LAMA3: variants seen among roughly 807,000 people sequenced by gnomAD.
LAMA3 encodes the protein laminin subunit alpha 3.
In LAMA3, 281 loss-of-function variants were observed where a neutral mutation model predicts 402.0. That is an observed-to-expected ratio of 0.70 (90% CI 0.63 to 0.77). The LOEUF (loss-of-function observed/expected upper bound fraction) is 0.77. Ranked by LOEUF, LAMA3 falls within the 30% of genes least tolerant of loss-of-function variation. The pLI, the probability that LAMA3 is intolerant of heterozygous loss-of-function variation, is 0.00. For synonymous variants in LAMA3, 1,431 were observed against 1,558.4 expected (o/e 0.92, Z 1.93); for missense variants, 3,840 against 4,215.5 (o/e 0.91, Z 2.47).
At chr18:23,801,963 AAAC>A (rs1372095288) in intron 12 of LAMA3, among the ~76,000 whole-genome samples, 1 of 152,232 alleles carries the variant, frequency 6.6e-6, no homozygotes, top group African/African-American at 2.4e-5. Flanking sequence ...TATACAGAAA[AAAC>A]ATATTCATAA....
chr18:23,797,994 CTCTA>C (rs1046689195), intron 12 of LAMA3, among the ~76,000 whole-genome samples: 3 of 152,006 alleles, frequency 2.0e-5, no homozygotes, highest in African/African-American at 7.2e-5. Flanking sequence ...GGTTTTTTGA[CTCTA>C]TCTTCAACCA....
rs1295965254 is a variant in LAMA3 at position 23,839,502 on chromosome 18, T to G, written c.3192-283T>G. Among the ~76,000 whole-genome samples, 3 of 152,250 alleles carry G rather than the reference T, an allele frequency of 2.0e-5. No individual in the cohort carries two copies. Among genetic ancestry groups the G allele is most frequent in the African/African-American group, 7.2e-5 (3 of 41,466 alleles). On this transcript the variant is annotated intron_variant, in intron 26 of 74. Coordinates refer to ENST00000313654, the MANE Select transcript of LAMA3 (RefSeq NM_198129.4). The surrounding 1 kb of genome is among the most constrained non-coding windows in gnomAD (Gnocchi z 4.5). ...GTATTGATCTCATTTTAACAATTAA[T>G]TTTAGTTTTGGAAAGGGAAGTTTCC...
At chr18:23,824,394 C>G (rs772165609) in intron 20 of LAMA3, 29 bp from the exon 21 acceptor site, 5 of 1,612,578 alleles carry the variant, frequency 3.1e-6, no homozygotes, top group Middle Eastern at 1.6e-4. Context: ...TAGAAAAATG[C>G]CTTAAGCAGT....
At chr18:23,795,728 T>A (rs538201368) in intron 12 of LAMA3, among the ~76,000 whole-genome samples, 193 of 151,214 alleles carry the variant, frequency 1.3e-3, no homozygotes, top group East Asian at 0.01. Context: ...ATATATATAT[T>A]TTTTTTAATC....
Position 23,846,232 on chromosome 18 carries a change from A to G in LAMA3, c.3720-65A>G, listed in dbSNP as rs113169007. 3.1e-4 allele frequency: 474 copies of G among 1,507,218 alleles called. 3 individuals are homozygous for G. In the African/African-American group the frequency reaches 4.9e-3, roughly 16 times the overall value. The allele number at this position is 1,507,218 out of a possible 1,614,324, so 93.4% of individuals were successfully genotyped here. ...GCTGGGTGGAGCAGGTGGTAAAGGC[A>G]AGGTTGAGGCCACTCCCATACACAC... On this transcript the variant is annotated intron_variant, in intron 30 of 74. Transcript: ENST00000313654.
At chr18:23,720,415 C>T (rs369471780) in intron 2 of LAMA3, among the ~76,000 whole-genome samples, 22 of 152,026 alleles carry the variant, frequency 1.4e-4, no homozygotes, top group Middle Eastern at 3.4e-3. Context: ...AGTGCAGTGG[C>T]GCAATCTCGG....
intron 1 of LAMA3, among the ~76,000 whole-genome samples, chr18:23,692,029 T>G (rs1202719468): frequency 6.6e-6 from 1 of 152,214 alleles, no homozygotes; most frequent in Non-Finnish European, 1.5e-5. Context: ...AAAATTATTT[T>G]AAATATCAAG....
At chr18:23,781,179 C>T (rs889785124) in intron 11 of LAMA3, 4 of 374,162 alleles carry the variant, frequency 1.1e-5, no homozygotes, top group Admixed American at 6.4e-5. Context: ...CTCAATACTT[C>T]GTTTAACGCC....
At chr18:23,949,711 A>G (rs2145558098) in intron 70 of LAMA3, 54 bp from the exon 71 acceptor site, 1 of 1,588,874 alleles carries the variant, frequency 6.3e-7, no homozygotes, top group Middle Eastern at 2.1e-4. Context: ...TTGGCTACCC[A>G]TGCCTTTCTT....
At chr18:23,801,753 T>C (rs536969377) in intron 12 of LAMA3, among the ~76,000 whole-genome samples, 70 of 152,368 alleles carry the variant, frequency 4.6e-4, no homozygotes, top group Middle Eastern at 3.4e-3. Flanking sequence ...GGAGATGATA[T>C]CTCATTGTGG....
At chr18:23,846,616 T>C in intron 31 of LAMA3, 108 bp downstream of exon 31, 1 of 1,022,314 alleles carries the variant, frequency 9.8e-7, no homozygotes, top group Non-Finnish European at 1.5e-6. Context: ...CACCTGGAGA[T>C]CTGGAGAAAT....
chr18:23,787,620 C>A (rs1036518883), intron 12 of LAMA3, among the ~76,000 whole-genome samples: 1 of 152,146 alleles, frequency 6.6e-6, no homozygotes, highest in Non-Finnish European at 1.5e-5. Flanking sequence ...GTTAGAATAA[C>A]AACTGACTTC....
In LAMA3 at chr18:23,955,008, T is replaced by TG. The variant is rs1232384087; in HGVS notation, c.*360_*361insG. On this transcript the variant is annotated 3_prime_UTR_variant, in exon 75 of 75. Coordinates refer to ENST00000313654, the MANE Select transcript of LAMA3 (RefSeq NM_198129.4). ...TAAAGCACTTTAAGAATATGAAACT[T>TG]TCATATATGTTAAAGGATTATAATT... is the stretch of plus-strand genomic sequence containing the variant. 2 of 285,350 alleles carry TG rather than the reference T, an allele frequency of 7.0e-6. No individual in the cohort carries two copies. The highest frequency in any genetic ancestry group is 1.4e-5 in the Non-Finnish European group (2 of 147,726). The allele number at this position is 285,350 out of a possible 1,614,324, so 17.7% of individuals were successfully genotyped here. A position where few individuals can be genotyped will look rare whatever the true frequency, so the allele number is the denominator to read the frequency against.
chr18:23,921,562 A>C lies in LAMA3; in HGVS notation c.8154A>C (p.Gly2718=), dbSNP rs149789872. The C allele has an allele frequency of 9.7e-5, 156 of 1,613,952 alleles. No individual in the cohort carries two copies. In the African/African-American group the frequency reaches 1.9e-3, roughly 20 times the overall value. The change falls in exon 62 of 75, where the codon GGA becomes GGC. Residue 2718 remains glycine (G), a synonymous_variant. Transcript: ENST00000313654. ...ATTTCAGCACATATTATCTGGGAGG[A>C]ATTCCAATTGCAATCAGGGAAAGGT... The part of the protein sequence containing the change: ...VFDFSTYYLG[G]IPIAIRERFN...
chr18:23,883,335 C>T (rs939324242), intron 40 of LAMA3, among the ~76,000 whole-genome samples: 2 of 152,198 alleles, frequency 1.3e-5, no homozygotes, highest in Admixed American at 6.5e-5. Flanking sequence ...AACCCCCTCT[C>T]TCCTTAAGTG....
intron 58 of LAMA3, 149 bp from the exon 59 acceptor site, chr18:23,915,140 A>T: frequency 1.1e-6 from 1 of 892,002 alleles, no homozygotes. Context: ...TCATACAGCT[A>T]GTAAATAGCA....
rs1418689285 is a variant in LAMA3 at position 23,895,066 on chromosome 18, C to G, written c.5613+8C>G. 1.9e-6 allele frequency: 3 copies of G among 1,586,418 alleles called. No homozygotes were observed. The African/African-American group carries it at 4.0e-5, about 21-fold the overall frequency. ...CAGGCCAAGGACCTGAGGGTAAATC[C>G]CCTGCGGCCGAGAGTAGACACGTGG... is the stretch of plus-strand genomic sequence containing the variant. On this transcript the variant is annotated splice_region_variant and intron_variant, in intron 44 of 74. Coordinates refer to ENST00000313654, the MANE Select transcript of LAMA3 (RefSeq NM_198129.4).
intron 46 of LAMA3, 44 bp from the exon 47 acceptor site, chr18:23,899,244 G>A (rs1210355268): frequency 1.1e-5 from 18 of 1,567,576 alleles, no homozygotes; most frequent in Admixed American, 1.0e-4. Flanking sequence ...TAGCCTACTG[G>A]AGCCCAGAAT....
chr18:23,817,532 T>C (rs1410367923), intron 18 of LAMA3, among the ~76,000 whole-genome samples: 1 of 151,874 alleles, frequency 6.6e-6, no homozygotes, highest in South Asian at 2.1e-4. Flanking sequence ...AGCAACATAG[T>C]GAGACCCGAT....
Sources: gnomAD v4.1 joint callset for allele counts (sites outside exome capture counted in the v4.1 genomes callset) on GRCh38, gnomAD v4.1.1 for gene constraint, Gnocchi (gnomAD v3.1) non-coding constraint, MANE v1.5 for transcripts, NCBI Gene and HGNC (gene_info 2026-07-23, HGNC 2026-07-21) for gene names.